Variants in ERC2 observed in about 807,000 individuals in gnomAD.
ERC2 encodes ERC protein 2.
In ERC2, 42 loss-of-function variants were observed where a neutral mutation model predicts 114.8. That is an observed-to-expected ratio of 0.37 (90% confidence interval 0.29 to 0.47). The LOEUF is 0.47. Among genes scored for constraint, ERC2 ranks in the 20% least tolerant of loss-of-function variants. The pLI, the probability that ERC2 is intolerant of heterozygous loss-of-function variation, is 0.99. For missense variants in ERC2, 939 were observed against 1,150.7 expected (o/e 0.82, Z 2.66); for synonymous variants, 454 against 425.5 (o/e 1.07, Z -0.82).
At chr3:56,401,269 A>C (rs1011125810) in intron 2 of ERC2, among the ~76,000 whole-genome samples, 8 of 152,214 alleles carry the variant, frequency 5.3e-5, no homozygotes, top group Admixed American at 3.9e-4. Context: ...TTACTTTACA[A>C]ATTAATCAAC....
chr3:55,788,743 A>C (rs2069727306), intron 14 of ERC2, among the ~76,000 whole-genome samples: 1 of 152,240 alleles, frequency 6.6e-6, no homozygotes, highest in African/African-American at 2.4e-5. Context: ...AGCTCTGTTC[A>C]GTTCTGGTGG....
intron 15 of ERC2, among the ~76,000 whole-genome samples, chr3:55,723,489 G>C (rs1172011716): frequency 6.6e-6 from 1 of 151,194 alleles, no homozygotes; most frequent in East Asian, 1.9e-4. Flanking sequence ...GGGTAACATT[G>C]AAAAAAAACA....
intron 17 of ERC2, among the ~76,000 whole-genome samples, chr3:55,615,784 AGCAGAG>A (rs1465845149): frequency 6.6e-6 from 1 of 152,228 alleles, no homozygotes; most frequent in East Asian, 1.9e-4. Flanking sequence ...GAAGCAATTC[AGCAGAG>A]GCCTTGTTGT....
chr3:56,144,543 T>C (rs1399367361), intron 5 of ERC2, among the ~76,000 whole-genome samples: 1 of 152,218 alleles, frequency 6.6e-6, no homozygotes, highest in Non-Finnish European at 1.5e-5. Context: ...CGTGCTAACT[T>C]CTACAAATAC....
At chr3:55,914,306 G>A (rs560564385) in intron 13 of ERC2, among the ~76,000 whole-genome samples, 1 of 152,186 alleles carries the variant, frequency 6.6e-6, no homozygotes, top group East Asian at 1.9e-4. Flanking sequence ...TCCCTCTAAT[G>A]TCAAACCTGG....
chr3:56,031,962 G>A (rs1048808893), intron 7 of ERC2, among the ~76,000 whole-genome samples: 1 of 152,128 alleles, frequency 6.6e-6, no homozygotes, highest in African/African-American at 2.4e-5. Flanking sequence ...TCATGGGAGT[G>A]GATTCCTCTT....
At chr3:56,249,333 C>CTT (rs35736169) in intron 3 of ERC2, among the ~76,000 whole-genome samples, 4 of 149,868 alleles carry the variant, frequency 2.7e-5, no homozygotes, top group Non-Finnish European at 3.0e-5. Context: ...ATTAATTCAC[C>CTT]TTTTTTTTTT....
chr3:55,724,301 C>T lies in ERC2; in HGVS notation c.2712+10470G>A, dbSNP rs187459478. ...ATGGCGGGAGCCAGCAGGGGCCAGG[C>T]GAGAAGGGTCAGGAGGGGTGGGGAG... is the stretch of plus-strand genomic sequence containing the variant. On this transcript the variant is annotated intron_variant, in intron 15 of 17. Transcript: ENST00000288221. Among the ~76,000 whole-genome samples, 6 of 152,176 alleles carry T rather than the reference C, an allele frequency of 3.9e-5. No homozygotes were observed. The East Asian group carries it at 7.8e-4, about 20-fold the overall frequency.
chr3:56,138,289 T>C (rs952694576), intron 6 of ERC2, among the ~76,000 whole-genome samples: 2 of 152,182 alleles, frequency 1.3e-5, no homozygotes, highest in African/African-American at 2.4e-5. Context: ...CTGGATCTCC[T>C]GACCTCGTGA....
intron 17 of ERC2, among the ~76,000 whole-genome samples, chr3:55,516,695 T>C (rs1400188696): frequency 6.6e-6 from 1 of 152,202 alleles, no homozygotes. Context: ...ACGTTTTAAA[T>C]GAAGGGATTC....
intron 16 of ERC2, among the ~76,000 whole-genome samples, chr3:55,697,155 A>G (rs1480505919): frequency 2.0e-5 from 3 of 152,178 alleles, no homozygotes; most frequent in African/African-American, 7.2e-5. Flanking sequence ...GGTTCTGTCC[A>G]TCATGCTCTT....
At chr3:56,153,095 G>A (rs889208546) in intron 4 of ERC2, among the ~76,000 whole-genome samples, 4 of 152,028 alleles carry the variant, frequency 2.6e-5, no homozygotes, top group African/African-American at 4.8e-5. Context: ...TCTATCTCTA[G>A]ATTTCTCTAG....
intron 2 of ERC2, among the ~76,000 whole-genome samples, chr3:56,428,970 A>G (rs1211316427): frequency 6.6e-6 from 1 of 152,202 alleles, no homozygotes; most frequent in African/African-American, 2.4e-5. Flanking sequence ...TGCACAACCT[A>G]GGAAAATGTC....
At chr3:55,925,217 C>A (rs969170260) in intron 13 of ERC2, among the ~76,000 whole-genome samples, 2 of 152,102 alleles carry the variant, frequency 1.3e-5, no homozygotes, top group African/African-American at 4.8e-5. Flanking sequence ...GGTAAGACAA[C>A]GGAGGGCATT....
chr3:55,835,019 C>T (rs1178352192), intron 14 of ERC2, among the ~76,000 whole-genome samples: 1 of 151,342 alleles, frequency 6.6e-6, no homozygotes, highest in East Asian at 1.9e-4. Context: ...ATAAATTCCT[C>T]GACACATACA....
chr3:55,838,742 G>A (rs988353134), intron 14 of ERC2, among the ~76,000 whole-genome samples: 1 of 151,908 alleles, frequency 6.6e-6, no homozygotes, highest in African/African-American at 2.4e-5. Flanking sequence ...GAAATTACTT[G>A]TATCAGAAAG....
At chr3:55,560,068 C>T (rs1449354542) in intron 17 of ERC2, among the ~76,000 whole-genome samples, 1 of 152,242 alleles carries the variant, frequency 6.6e-6, no homozygotes, top group Non-Finnish European at 1.5e-5. Flanking sequence ...CAGTACCAGG[C>T]CCTTCCTAGC....
intron 6 of ERC2, among the ~76,000 whole-genome samples, chr3:56,134,808 AC>A (rs2149899075): frequency 1.3e-5 from 2 of 152,284 alleles, no homozygotes; most frequent in South Asian, 4.1e-4. Flanking sequence ...CTGTCATATA[AC>A]ACATCTTGGA....
At chr3:55,880,720 T>C (rs1255580088) in intron 14 of ERC2, among the ~76,000 whole-genome samples, 1 of 151,692 alleles carries the variant, frequency 6.6e-6, no homozygotes. Flanking sequence ...TAGTATTTAA[T>C]ATTTTTAAAA....
Sources: allele counts gnomAD v4.1 joint callset (sites outside exome capture counted in the v4.1 genomes callset), GRCh38; gene constraint gnomAD v4.1.1; transcripts MANE v1.5; gene names NCBI Gene and HGNC (gene_info 2026-07-23, HGNC 2026-07-21).